Variants in LAMA3 observed in about 807,000 individuals in gnomAD.
LAMA3 encodes the protein laminin subunit alpha-3.
Under a neutral mutation model 402.0 loss-of-function variants are expected in LAMA3, and 281 were observed. The observed-to-expected ratio is 0.70, with a 90% CI of 0.63 to 0.77. The LOEUF (loss-of-function observed/expected upper bound fraction) is 0.77. Ranked by LOEUF, LAMA3 falls within the 30% of genes least tolerant of loss-of-function variation. The pLI, the probability that LAMA3 is intolerant of heterozygous loss-of-function variation, is 0.00. For synonymous variants in LAMA3, 1,431 were observed against 1,558.4 expected, an observed-to-expected ratio of 0.92 and a Z score of 1.93; for missense variants, 3,840 against 4,215.5, an observed-to-expected ratio of 0.91 and a Z score of 2.47.
At chr18:23,840,393 TTTTTTTTGAGA>T (rs1299912605) in intron 27 of LAMA3, among the ~76,000 whole-genome samples, 6 of 148,358 alleles carry the variant, frequency 4.0e-5, no homozygotes, top group Non-Finnish European at 6.0e-5. Flanking sequence ...TTTTTTTTTT[TTTTTTTTGAGA>T]CAGATTCTTG....
chr18:23,946,192 C>G lies in LAMA3; in HGVS notation c.9259C>G (p.Leu3087Val). The change falls in exon 70 of 75, where the codon CTG becomes GTG. Residue 3087 changes from leucine to valine, a missense_variant. Coordinates refer to ENST00000313654, the MANE Select transcript of LAMA3 (RefSeq NM_198129.4). ...AAAGGGGCGCTTGGTTGTGGATGGA[C>G]TGAGGGCCCGGGAGGGAAGTTTGCC... Reference protein sequence around the residue: ...GEKGRLVVDGLRAREGSLPGN... With the variant: ...GEKGRLVVDGVRAREGSLPGN... The G allele has an allele frequency of 6.2e-7, 1 of 1,613,940 alleles. No individual in the cohort carries two copies. The highest frequency in any genetic ancestry group is 8.5e-7 in the Non-Finnish European group (1 of 1,179,962).
chr18:23,813,218 C>A, intron 14 of LAMA3, 115 bp downstream of exon 14: 1 of 723,184 alleles, frequency 1.4e-6, no homozygotes, highest in Non-Finnish European at 2.4e-6. Flanking sequence ...GGCTAAATTG[C>A]TTAAAGAGGT....
At chr18:23,876,975 C>T (rs1409150403) in intron 39 of LAMA3, among the ~76,000 whole-genome samples, 1 of 152,142 alleles carries the variant, frequency 6.6e-6, no homozygotes, top group African/African-American at 2.4e-5. Context: ...GAGCCGAGAT[C>T]GTGCCACTGC....
At chr18:23,755,124 G>C (rs570621043) in intron 6 of LAMA3, among the ~76,000 whole-genome samples, 1 of 152,338 alleles carries the variant, frequency 6.6e-6, no homozygotes, top group South Asian at 2.1e-4. Flanking sequence ...ATCTCCCTAA[G>C]ACACTAGAAA....
intron 12 of LAMA3, among the ~76,000 whole-genome samples, chr18:23,802,798 T>C (rs1470877352): frequency 6.6e-6 from 1 of 152,224 alleles, no homozygotes; most frequent in Non-Finnish European, 1.5e-5. Flanking sequence ...TCGTGAATCT[T>C]GGCTATCAGA....
At chr18:23,827,515 C>T in intron 23 of LAMA3, 48 bp downstream of exon 23, 4 of 1,590,860 alleles carry the variant, frequency 2.5e-6, no homozygotes, top group Non-Finnish European at 3.4e-6. Flanking sequence ...ACCTCCCCAT[C>T]TGTATCTGCT....
Position 23,773,712 on chromosome 18 carries a change from T to G in LAMA3, c.1273+125T>G, listed in dbSNP as rs192621498. On this transcript the variant is annotated intron_variant, in intron 9 of 74. Coordinates refer to ENST00000313654, the MANE Select transcript of LAMA3 (RefSeq NM_198129.4). ...TCTCTCTTCAGAGTATTAGTTGTGCTCGCTATGTGACCTCAGTCACTTACA... is the reference window on the plus strand; with the variant it reads ...TCTCTCTTCAGAGTATTAGTTGTGCGCGCTATGTGACCTCAGTCACTTACA... The G allele has an allele frequency of 1.5e-5, 11 of 712,472 alleles. No homozygotes were observed. The African/African-American group carries it at 1.9e-4, about 12-fold the overall frequency. 44.1% of individuals were successfully genotyped at this position (712,472 alleles called of 1,614,324 possible).
intron 12 of LAMA3, among the ~76,000 whole-genome samples, chr18:23,804,547 C>G (rs937000564): frequency 6.6e-6 from 1 of 152,132 alleles, no homozygotes; most frequent in Non-Finnish European, 1.5e-5. Context: ...TGTAATAGAC[C>G]GATGTGATGC....
At chr18:23,824,589 A>G in intron 21 of LAMA3, 24 bp downstream of exon 21, 1 of 1,613,094 alleles carries the variant, frequency 6.2e-7, no homozygotes, top group Non-Finnish European at 8.5e-7. Context: ...CTGAATGGAG[A>G]GCTCCTGCGG....
chr18:23,948,027 T>C (rs2082771109), intron 70 of LAMA3, among the ~76,000 whole-genome samples: 1 of 152,176 alleles, frequency 6.6e-6, no homozygotes, highest in Non-Finnish European at 1.5e-5. Flanking sequence ...TTAGCCAGAA[T>C]GGTCTCGATC....
At chr18:23,927,115 C>T (rs1050495844) in intron 62 of LAMA3, among the ~76,000 whole-genome samples, 2 of 152,188 alleles carry the variant, frequency 1.3e-5, no homozygotes, top group African/African-American at 2.4e-5. Context: ...TGAGCATTCA[C>T]GTCCAGGTGC....
intron 38 of LAMA3, chr18:23,873,294 T>C: frequency 7.9e-7 from 1 of 1,271,212 alleles, no homozygotes; most frequent in Non-Finnish European, 1.2e-6. Context: ...GTTACGGTGA[T>C]TAATGAGTAA....
At chr18:23,920,337 G>A (rs898537384) in intron 60 of LAMA3, among the ~76,000 whole-genome samples, 1 of 152,196 alleles carries the variant, frequency 6.6e-6, no homozygotes, top group Non-Finnish European at 1.5e-5. Context: ...TGGCCCTGAA[G>A]ACAGGTCTAG....
intron 40 of LAMA3, 69 bp downstream of exon 40, chr18:23,882,114 G>A (rs1292711402): frequency 3.1e-6 from 3 of 957,968 alleles, no homozygotes; most frequent in Admixed American, 3.7e-5. Context: ...GACTAGGGGT[G>A]GGAGAGCAGG....
In LAMA3 at chr18:23,928,742, A is replaced by G; in HGVS notation, c.8413A>G (p.Ile2805Val). 1 of 1,614,056 alleles carries G rather than the reference A, an allele frequency of 6.2e-7. No homozygotes were observed. The highest frequency in any genetic ancestry group is 1.1e-5 in the South Asian group (1 of 91,080). ...FGFQTFQPSG[I>V]LLDHQTWTRN... ...ATTTCAGACCTTTCAACCCAGTGGCATATTATTAGATCATCAGACATGGGT... is the reference window on the plus strand; with the variant it reads ...ATTTCAGACCTTTCAACCCAGTGGCGTATTATTAGATCATCAGACATGGGT... The change falls in exon 64 of 75, where the codon ATA becomes GTA. Residue 2805 changes from isoleucine (I) to valine (V), a missense_variant. This residue lies in a region of LAMA3 where 840 missense variants were observed against 981.9 expected (regional missense o/e 0.86). Coordinates refer to ENST00000313654, the MANE Select transcript of LAMA3 (RefSeq NM_198129.4).
At position 23,954,817 on chromosome 18, in the gene LAMA3, G is replaced by C; in HGVS notation, c.*169G>C. On this transcript the variant is annotated 3_prime_UTR_variant, in exon 75 of 75. Transcript: ENST00000313654. ...TGGATACCCATCACTTTGGCATTCAGTGCTACATGTGTATTTTATATAAAA... is the reference window on the plus strand; with the variant it reads ...TGGATACCCATCACTTTGGCATTCACTGCTACATGTGTATTTTATATAAAA... The C allele has an allele frequency of 1.5e-6, 1 of 673,540 alleles. No individual in the cohort carries two copies. Among genetic ancestry groups the C allele is most frequent in the Non-Finnish European group, 2.6e-6 (1 of 378,510 alleles). 41.7% of individuals were successfully genotyped at this position (673,540 alleles called of 1,614,324 possible).
chr18:23,954,111 A>G lies in LAMA3; in HGVS notation c.9857-392A>G, dbSNP rs3745028. Among the ~76,000 whole-genome samples, 30 of 152,200 alleles carry G rather than the reference A, an allele frequency of 2.0e-4. No homozygotes were observed. The East Asian group carries it at 5.2e-3, about 26-fold the overall frequency. ...AGTCACTTTAGCTTTCTCCACTAAG[A>G]CTATCTTTTGCCTGGCATGGTGGCT... On this transcript the variant is annotated intron_variant, in intron 74 of 74. Coordinates refer to ENST00000313654, the MANE Select transcript of LAMA3 (RefSeq NM_198129.4).
chr18:23,768,257 T>C (rs2062121057), intron 8 of LAMA3, among the ~76,000 whole-genome samples: 1 of 150,438 alleles, frequency 6.6e-6, no homozygotes, highest in Non-Finnish European at 1.5e-5. Context: ...AGGTCTAATA[T>C]TCGGAATATA....
chr18:23,875,989 C>T (rs757403487), intron 38 of LAMA3, among the ~76,000 whole-genome samples: 13 of 152,262 alleles, frequency 8.5e-5, no homozygotes, highest in Admixed American at 6.5e-4. Context: ...AAAATATTCA[C>T]ACTCACTGAA....
Sources: gnomAD v4.1 joint callset for allele counts (sites outside exome capture counted in the v4.1 genomes callset) on GRCh38, gnomAD v4.1.1 for gene constraint, gnomAD v4.1.1 regional missense constraint, MANE v1.5 for transcripts, NCBI Gene and HGNC (gene_info 2026-07-23, HGNC 2026-07-21) for gene names.